PHF2: variants seen among roughly 807,000 people sequenced by gnomAD.
PHF2 encodes the protein lysine-specific demethylase PHF2.
In PHF2, 27 loss-of-function variants were observed where a neutral mutation model predicts 120.5. The observed-to-expected ratio is 0.22, with a 90% confidence interval of 0.17 to 0.31. PHF2 has a LOEUF of 0.31. Among genes scored for constraint, PHF2 ranks in the 10% least tolerant of loss-of-function variants. The probability of loss-of-function intolerance (pLI) is 1.00; values close to 1 mark genes in which losing one functional copy is unlikely to be tolerated. For missense variants in PHF2, 1,024 were observed against 1,434.8 expected, an observed-to-expected ratio of 0.71 and a Z score of 4.63; for synonymous variants, 568 against 592.5, an observed-to-expected ratio of 0.96 and a Z score of 0.60.
chr9:93,655,893 G>A lies in PHF2; in HGVS notation c.953-41G>A, dbSNP rs559202273. 6.7e-6 allele frequency: 10 copies of A among 1,485,966 alleles called. No homozygotes were observed. The African/African-American group carries it at 9.7e-5, about 14-fold the overall frequency. 92.0% of individuals were successfully genotyped at this position (1,485,966 alleles called of 1,614,324 possible). A position where few individuals can be genotyped will look rare whatever the true frequency, so the allele number is the denominator to read the frequency against. On this transcript the variant is annotated intron_variant, in intron 7 of 21. Coordinates refer to ENST00000359246, the MANE Select transcript of PHF2 (RefSeq NM_005392.4). ...TAGAGCCATGAGAAGCCCGTTCATG[G>A]GAGCAAGGTGGGGCACCAGCCACTC...
chr9:93,579,175 G>A (rs868651142), intron 1 of PHF2, among the ~76,000 whole-genome samples: 10 of 152,182 alleles, frequency 6.6e-5, no homozygotes, highest in Middle Eastern at 3.2e-3. Context: ...ATGAACGTGT[G>A]TGACCAGACC....
intron 1 of PHF2, among the ~76,000 whole-genome samples, chr9:93,597,971 G>A (rs1292705692): frequency 6.6e-6 from 1 of 152,210 alleles, no homozygotes; most frequent in Non-Finnish European, 1.5e-5. Context: ...CTGATGGGCA[G>A]GGGTCCTCAG....
chr9:93,577,803 C>G (rs1408732166), intron 1 of PHF2, among the ~76,000 whole-genome samples: 2 of 152,188 alleles, frequency 1.3e-5, no homozygotes, highest in Non-Finnish European at 2.9e-5. Flanking sequence ...AGGGCAGGTC[C>G]CTTCCCACCA....
chr9:93,626,225 G>A (rs1825912444), intron 1 of PHF2, among the ~76,000 whole-genome samples: 1 of 152,126 alleles, frequency 6.6e-6, no homozygotes, highest in Non-Finnish European at 1.5e-5. Flanking sequence ...CCTGGGTGAT[G>A]GGAGCAAGAC....
intron 1 of PHF2, among the ~76,000 whole-genome samples, chr9:93,587,240 G>A (rs1390288451): frequency 1.4e-5 from 2 of 146,020 alleles, no homozygotes; most frequent in African/African-American, 5.0e-5. Context: ...AGGAGCCCTG[G>A]GTGAGGGATG....
intron 12 of PHF2, among the ~76,000 whole-genome samples, chr9:93,661,924 A>AATGG (rs893590130): frequency 3.3e-5 from 5 of 151,086 alleles, no homozygotes; most frequent in African/African-American, 1.2e-4. Flanking sequence ...TGAATGAAAA[A>AATGG]ATGGATGGAT....
At chr9:93,613,942 G>A (rs757482589) in intron 1 of PHF2, among the ~76,000 whole-genome samples, 9 of 152,076 alleles carry the variant, frequency 5.9e-5, no homozygotes, top group South Asian at 4.1e-4. Context: ...CCTGGCTGCC[G>A]GGTGGACCTG....
intron 10 of PHF2, 56 bp downstream of exon 10, chr9:93,658,292 C>A: frequency 1.5e-6 from 2 of 1,342,720 alleles, no homozygotes; most frequent in Non-Finnish European, 2.1e-6. Flanking sequence ...GGCGGGAGGA[C>A]CTCCCTGGAG....
chr9:93,579,428 G>A (rs916993886), intron 1 of PHF2, among the ~76,000 whole-genome samples: 5 of 152,044 alleles, frequency 3.3e-5, no homozygotes, highest in African/African-American at 7.3e-5. Flanking sequence ...CCAGCCATGG[G>A]ACCAGTACCA....
intron 2 of PHF2, among the ~76,000 whole-genome samples, chr9:93,630,616 T>C (rs1825985710): frequency 6.6e-6 from 1 of 152,160 alleles, no homozygotes; most frequent in South Asian, 2.1e-4. Flanking sequence ...GGCTTCGTTT[T>C]CTTCTTGGCC....
At chr9:93,576,923 C>A in intron 1 of PHF2, 52 bp downstream of exon 1, 1 of 797,946 alleles carries the variant, frequency 1.3e-6, no homozygotes, top group Non-Finnish European at 1.5e-6. Flanking sequence ...GGCCACCTTG[C>A]CCGACCGAGC....
At chr9:93,675,854 GT>G in intron 20 of PHF2, 65 bp downstream of exon 20, 1 of 1,235,878 alleles carries the variant, frequency 8.1e-7, no homozygotes, top group Non-Finnish European at 1.2e-6. Context: ...GTGGGCTCAG[GT>G]TCCCCAAGGC....
chr9:93,634,222 C>G (rs1269379647), intron 2 of PHF2, among the ~76,000 whole-genome samples: 1 of 152,116 alleles, frequency 6.6e-6, no homozygotes, highest in African/African-American at 2.4e-5. Context: ...GAGCCCCTTG[C>G]TCCCTTGATA....
intron 1 of PHF2, among the ~76,000 whole-genome samples, chr9:93,623,077 G>A (rs1490193800): frequency 1.3e-5 from 2 of 152,194 alleles, no homozygotes; most frequent in African/African-American, 4.8e-5. Context: ...CAGGGGCCAG[G>A]TGAGGGTGTG....
chr9:93,645,557 G>A, intron 3 of PHF2, 72 bp from the exon 4 acceptor site: 1 of 1,439,650 alleles, frequency 6.9e-7, no homozygotes, highest in Non-Finnish European at 9.2e-7. Context: ...CAGCACCGAG[G>A]CCCTGTCCAC....
chr9:93,639,313 A>G (rs1337349733), intron 3 of PHF2, among the ~76,000 whole-genome samples: 1 of 152,098 alleles, frequency 6.6e-6, no homozygotes, highest in Non-Finnish European at 1.5e-5. Flanking sequence ...ATTCTGAAGT[A>G]TTTTATTCTT....
chr9:93,594,194 C>G (rs944888168), intron 1 of PHF2, among the ~76,000 whole-genome samples: 8 of 151,524 alleles, frequency 5.3e-5, no homozygotes, highest in Admixed American at 2.0e-4. Flanking sequence ...TGACCCCCCC[C>G]CCCTCCATTA....
At chr9:93,661,217 T>C (rs1826558599) in intron 12 of PHF2, among the ~76,000 whole-genome samples, 1 of 152,118 alleles carries the variant, frequency 6.6e-6, no homozygotes, top group African/African-American at 2.4e-5. Context: ...TCAGGGACCA[T>C]GAACCCCTGA....
At chr9:93,611,346 T>C (rs1443124018) in intron 1 of PHF2, among the ~76,000 whole-genome samples, 1 of 150,074 alleles carries the variant, frequency 6.7e-6, no homozygotes, top group Non-Finnish European at 1.5e-5. Flanking sequence ...ACCCAGGAGG[T>C]GGACATTGCA....
Sources: gnomAD v4.1 joint callset for allele counts (sites outside exome capture counted in the v4.1 genomes callset) on GRCh38, gnomAD v4.1.1 for gene constraint, MANE v1.5 for transcripts, NCBI Gene and HGNC (gene_info 2026-07-23, HGNC 2026-07-21) for gene names.